Variants in CLN8 observed in about 807,000 individuals in gnomAD.
CLN8 encodes CLN8 transmembrane ER and ERGIC protein, also known as protein CLN8.
Under a neutral mutation model 15.7 loss-of-function variants are expected in CLN8, and 14 were observed. That is an observed-to-expected ratio of 0.89 (90% CI 0.59 to 1.39). The LOEUF (loss-of-function observed/expected upper bound fraction) is 1.39, where lower values mean the gene tolerates loss of function less well. CLN8 is among the 40% of genes most tolerant of loss of function. The pLI is 0.00. For missense variants in CLN8, 415 were observed against 364.0 expected (o/e 1.14, Z -1.14); for synonymous variants, 188 against 151.0 (o/e 1.25, Z -1.80).
At chr8:1,762,840 T>C (rs1260302632), upstream of CLN8, 2 of 152,236 alleles carry the variant, frequency 1.3e-5, no homozygotes, top group Non-Finnish European at 2.9e-5. Flanking sequence ...CCAGTGCAGA[T>C]GCTCTGTATC....
chr8:1,768,256 T>G (rs1801147638), intron 1 of CLN8, among the ~76,000 whole-genome samples: 1 of 152,150 alleles, frequency 6.6e-6, no homozygotes, highest in African/African-American at 2.4e-5. Context: ...AAACTTGGTT[T>G]CTTAGCTCCT....
chr8:1,778,046 C>T (rs747443153), intron 2 of CLN8, among the ~76,000 whole-genome samples: 1 of 152,214 alleles, frequency 6.6e-6, no homozygotes, highest in Non-Finnish European at 1.5e-5. Flanking sequence ...GTGGGCCCAC[C>T]TGGTACTGCC....
chr8:1,764,265 C>T (rs572612940), intron 1 of CLN8: 29 of 152,402 alleles, frequency 1.9e-4, no homozygotes, highest in African/African-American at 7.0e-4. Context: ...AGCCCGGGGT[C>T]CTGCCTGCGC....
chr8:1,756,535 A>G (rs1477879058), intron 1 of CLN8, among the ~76,000 whole-genome samples: 5 of 151,942 alleles, frequency 3.3e-5, no homozygotes, highest in African/African-American at 1.2e-4. Flanking sequence ...ATACATCTGT[A>G]TATTTGATTT....
intron 2 of CLN8, among the ~76,000 whole-genome samples, chr8:1,777,121 G>A (rs532931704): frequency 1.3e-5 from 2 of 152,268 alleles, no homozygotes; most frequent in Admixed American, 1.3e-4. Flanking sequence ...GGCTCTATGC[G>A]ACAAAGCCCA....
rs1289065817 is a variant in CLN8, at chr8:1,784,733, C to T, written c.*4166C>T. ...GTACCCAGGGCTGCCAGGCAGGGCC[C>T]TGCAGGGGACAGACCCAAGGGCTGA... On this transcript the variant is annotated 3_prime_UTR_variant, in exon 3 of 3. Coordinates refer to ENST00000331222, the MANE Select transcript of CLN8 (RefSeq NM_018941.4). 3 of 152,482 alleles carry T rather than the reference C, an allele frequency of 2.0e-5. No homozygotes were observed. Among genetic ancestry groups the T allele is most frequent in the South Asian group, 2.1e-4 (1 of 4,828 alleles). 9.4% of individuals were successfully genotyped at this position (152,482 alleles called of 1,614,324 possible).
In CLN8 at chr8:1,785,978, G is replaced by GAAGTCACAGGACAGGA. The variant is rs1303302735; in HGVS notation, c.*5412_*5413insAGTCACAGGACAGGAA. ...AGGTGTCAGCTGGTGGGTCTCCCAG[G>GAAGTCACAGGACAGGA]AGCTGCCCCTCCCTGGAAGTCACAG... On this transcript the variant is annotated 3_prime_UTR_variant, in exon 3 of 3. Transcript: ENST00000331222. The GAAGTCACAGGACAGGA allele has an allele frequency of 6.5e-6, 1 of 153,174 alleles. No homozygotes were observed. Among genetic ancestry groups the GAAGTCACAGGACAGGA allele is most frequent in the Non-Finnish European group, 1.5e-5 (1 of 68,652 alleles). The allele number at this position is 153,174 out of a possible 1,614,324, so 9.5% of individuals were successfully genotyped here.
At chr8:1,756,682 T>TA (rs1410256811) in intron 1 of CLN8, among the ~76,000 whole-genome samples, 3 of 142,050 alleles carry the variant, frequency 2.1e-5, no homozygotes, top group African/African-American at 7.7e-5. Context: ...AAGCATTCCT[T>TA]TTTTTTTTTT....
intron 2 of CLN8, among the ~76,000 whole-genome samples, chr8:1,779,751 A>C (rs1367372731): frequency 1.3e-5 from 2 of 152,190 alleles, no homozygotes; most frequent in Non-Finnish European, 2.9e-5. Context: ...GCTGTGTCCT[A>C]GCATGGAGGA....
chr8:1,781,225 G>T lies in CLN8; in HGVS notation c.*658G>T, dbSNP rs566164303. On this transcript the variant is annotated 3_prime_UTR_variant, in exon 3 of 3. Coordinates refer to ENST00000331222, the MANE Select transcript of CLN8 (RefSeq NM_018941.4). ...TTACAAAAATTAGCCGGGTGTCGTG[G>T]CACACACCTGTAATCCCAGCTATTT... 2 of 152,518 alleles carry T rather than the reference G, an allele frequency of 1.3e-5. No homozygotes were observed. The highest frequency in any genetic ancestry group is 3.9e-4 in the East Asian group (2 of 5,188). The allele number at this position is 152,518 out of a possible 1,614,324, so 9.4% of individuals were successfully genotyped here.
In CLN8 at chr8:1,781,706, C is replaced by T. The variant is rs1801717194; in HGVS notation, c.*1139C>T. The T allele has an allele frequency of 6.6e-6, 1 of 152,074 alleles. No individual in the cohort carries two copies. Among genetic ancestry groups the T allele is most frequent in the Non-Finnish European group, 1.5e-5 (1 of 68,032 alleles). The allele number at this position is 152,074 out of a possible 1,614,324, so 9.4% of individuals were successfully genotyped here. ...CAGGCACCCAATCTAGACCCTAATT[C>T]TGTGGTTGGTGTTCCTCTGTAGATT... On this transcript the variant is annotated 3_prime_UTR_variant, in exon 3 of 3. Coordinates refer to ENST00000331222, the MANE Select transcript of CLN8 (RefSeq NM_018941.4).
In CLN8 at chr8:1,780,843, G is replaced by A. The variant is rs986443877; in HGVS notation, c.*276G>A. 38 of 529,204 alleles carry A rather than the reference G, an allele frequency of 7.2e-5. No individual in the cohort carries two copies. The highest frequency in any genetic ancestry group is 9.4e-5 in the Non-Finnish European group (28 of 296,904). 32.8% of individuals were successfully genotyped at this position (529,204 alleles called of 1,614,324 possible). On this transcript the variant is annotated 3_prime_UTR_variant, in exon 3 of 3. Coordinates refer to ENST00000331222, the MANE Select transcript of CLN8 (RefSeq NM_018941.4). ...GAGGAGTCCATGGTGTCCAGGCATCGGGGCGTCACACCTGTTGAGGAGTGG... is the reference window on the plus strand; with the variant it reads ...GAGGAGTCCATGGTGTCCAGGCATCAGGGCGTCACACCTGTTGAGGAGTGG...
At chr8:1,766,107 C>G (rs112930171) in intron 1 of CLN8, among the ~76,000 whole-genome samples, 450 of 152,296 alleles carry the variant, frequency 3.0e-3, no homozygotes, top group African/African-American at 0.011. Context: ...AGAGCTAACA[C>G]TCTTACTGAT....
Position 1,782,286 on chromosome 8 carries a change from A to C in CLN8, c.*1719A>C, listed in dbSNP as rs918194675. 1 of 152,084 alleles carries C rather than the reference A, an allele frequency of 6.6e-6. No individual in the cohort carries two copies. Among genetic ancestry groups the C allele is most frequent in the African/African-American group, 2.4e-5 (1 of 41,372 alleles). The allele number at this position is 152,084 out of a possible 1,614,324, so 9.4% of individuals were successfully genotyped here. ...CACCCTTTCAAGTAGCTGGGATTAC[A>C]GGTACCTCTACCATGCCTGGCTGAT... On this transcript the variant is annotated 3_prime_UTR_variant, in exon 3 of 3. Transcript: ENST00000331222.
At chr8:1,767,351 G>C (rs1801105803) in intron 1 of CLN8, among the ~76,000 whole-genome samples, 1 of 152,106 alleles carries the variant, frequency 6.6e-6, no homozygotes, top group Non-Finnish European at 1.5e-5. Flanking sequence ...ACTGCCAGGA[G>C]GGTTTGCCCA....
At chr8:1,755,656 G>C (rs916183090), upstream of CLN8, 2 of 152,410 alleles carry the variant, frequency 1.3e-5, no homozygotes, top group South Asian at 2.1e-4. Flanking sequence ...ACCTGGCCCA[G>C]CCTCTCCTGC....
chr8:1,773,681 T>C (rs2131000119), intron 2 of CLN8: 1 of 152,506 alleles, frequency 6.6e-6, no homozygotes, highest in Non-Finnish European at 1.5e-5. Context: ...GGCTGTGACT[T>C]CCCTGGGTTT....
intron 1 of CLN8, among the ~76,000 whole-genome samples, chr8:1,770,477 A>C (rs1801254984): frequency 6.6e-6 from 1 of 152,200 alleles, no homozygotes; most frequent in East Asian, 1.9e-4. Context: ...TAACCAAGGA[A>C]TAACATGAAG....
intron 1 of CLN8, among the ~76,000 whole-genome samples, chr8:1,766,979 C>G (rs553979378): frequency 6.6e-6 from 1 of 152,346 alleles, no homozygotes; most frequent in South Asian, 2.1e-4. Flanking sequence ...GGGTGAACCA[C>G]AGCTGTTCTC....
Sources: gnomAD v4.1 joint callset for allele counts (sites outside exome capture counted in the v4.1 genomes callset) on GRCh38, gnomAD v4.1.1 for gene constraint, MANE v1.5 for transcripts, NCBI Gene and HGNC (gene_info 2026-07-23, HGNC 2026-07-21) for gene names.